The following LRRC4C variants were observed in gnomAD, a reference collection of about 807,000 sequenced individuals.
The protein encoded by LRRC4C is leucine-rich repeat-containing protein 4C.
In LRRC4C, 5 loss-of-function variants were observed where a neutral mutation model predicts 33.6. That is an observed-to-expected ratio of 0.15 (90% confidence interval 0.08 to 0.31). The LOEUF is 0.31. LRRC4C is among the 10% of genes least tolerant of loss of function. The pLI, the probability that LRRC4C is intolerant of heterozygous loss-of-function variation, is 1.00. For synonymous variants in LRRC4C, 329 were observed against 302.0 expected, an observed-to-expected ratio of 1.09 and a Z score of -0.93; for missense variants, 560 against 796.7, an observed-to-expected ratio of 0.70 and a Z score of 3.58.
chr11:40,191,222 T>C (rs1380117121), intron 5 of LRRC4C, among the ~76,000 whole-genome samples: 1 of 152,116 alleles, frequency 6.6e-6, no homozygotes, highest in South Asian at 2.1e-4. Context: ...CCACCTCTCA[T>C]AAACAGCACC....
intron 4 of LRRC4C, among the ~76,000 whole-genome samples, chr11:40,257,708 A>C (rs1022540685): frequency 6.8e-4 from 104 of 152,044 alleles, no homozygotes; most frequent in Non-Finnish European, 6.5e-4. Context: ...GAAGAGATAA[A>C]CTCTTTTTAC....
intron 1 of LRRC4C, among the ~76,000 whole-genome samples, chr11:41,092,581 C>G (rs550104452): frequency 3.9e-5 from 6 of 152,242 alleles, no homozygotes; most frequent in African/African-American, 1.4e-4. Flanking sequence ...TCTGAGATTC[C>G]TTGGGGGAAT....
intron 1 of LRRC4C, among the ~76,000 whole-genome samples, chr11:40,982,014 T>A (rs1852580489): frequency 6.6e-6 from 1 of 152,180 alleles, no homozygotes; most frequent in Non-Finnish European, 1.5e-5. Flanking sequence ...AAATAATATA[T>A]CTACACTTCT....
chr11:41,413,907 A>G lies in LRRC4C; in HGVS notation c.-496+45524T>C, dbSNP rs557262958. On this transcript the variant is annotated intron_variant, in intron 1 of 6. Transcript: ENST00000528697. Reference sequence around the variant, plus strand: ...ATATCACAACGGAGCTATGGTAATCACTAAATGAGATATCTAACTTGGAGC... The same window carrying G: ...ATATCACAACGGAGCTATGGTAATCGCTAAATGAGATATCTAACTTGGAGC... 7.9e-5 allele frequency among the ~76,000 whole-genome samples: 12 copies of G among 152,312 alleles called. No individual in the cohort carries two copies. In the East Asian group the frequency reaches 2.1e-3, roughly 27 times the overall value.
At chr11:40,227,503 A>G (rs1449412416) in intron 5 of LRRC4C, among the ~76,000 whole-genome samples, 2 of 152,212 alleles carry the variant, frequency 1.3e-5, no homozygotes, top group Admixed American at 1.3e-4. Context: ...TCAAAAAGTC[A>G]TAGAGCTGAA....
rs1307456275 is a variant in LRRC4C, at chr11:40,697,066, C to T, written c.-406-48788G>A. On this transcript the variant is annotated intron_variant, in intron 2 of 6. Coordinates refer to ENST00000528697, the MANE Select transcript of LRRC4C (RefSeq NM_001258419.2). ...AGAAGTTTCTGTTTTAGCTCCTTTTCATTAATCCGACATTTGGGAAATAGG... is the reference window on the plus strand; with the variant it reads ...AGAAGTTTCTGTTTTAGCTCCTTTTTATTAATCCGACATTTGGGAAATAGG... 2.0e-5 allele frequency among the ~76,000 whole-genome samples: 3 copies of T among 152,126 alleles called. No homozygotes were observed. The South Asian group carries it at 6.2e-4, about 32-fold the overall frequency.
intron 5 of LRRC4C, among the ~76,000 whole-genome samples, chr11:40,147,908 T>A (rs191786854): frequency 2.0e-5 from 3 of 152,034 alleles, no homozygotes; most frequent in Non-Finnish European, 4.4e-5. Context: ...ACCCTCACCC[T>A]GATAGGCCCC....
intron 1 of LRRC4C, among the ~76,000 whole-genome samples, chr11:41,445,049 T>C (rs1345137068): frequency 6.6e-6 from 1 of 152,160 alleles, no homozygotes; most frequent in Non-Finnish European, 1.5e-5. Context: ...GTGATCCGCC[T>C]GCCTTGGCCT....
chr11:41,041,439 G>A (rs899235887), intron 1 of LRRC4C, among the ~76,000 whole-genome samples: 4 of 152,144 alleles, frequency 2.6e-5, no homozygotes, highest in African/African-American at 9.7e-5. Flanking sequence ...AGAGTATAGT[G>A]ATTGCCATAC....
intron 3 of LRRC4C, among the ~76,000 whole-genome samples, chr11:40,442,162 CAAAAAAAAAAAA>C (rs1158464665): frequency 7.5e-4 from 42 of 56,200 alleles, no homozygotes; most frequent in Admixed American, 2.0e-3. Context: ...GACTCCATTT[CAAAAAAAAAAAA>C]AAAAAAAAAA....
At chr11:41,201,888 G>A (rs2136266913) in intron 1 of LRRC4C, among the ~76,000 whole-genome samples, 1 of 141,942 alleles carries the variant, frequency 7.0e-6, no homozygotes, top group Non-Finnish European at 1.5e-5. Flanking sequence ...GATGCTTTTG[G>A]CTGCTCTACA....
At chr11:40,653,587 A>C (rs10768619) in intron 2 of LRRC4C, among the ~76,000 whole-genome samples, 56,817 of 152,050 alleles carry the variant, frequency 0.37, 11,792 homozygotes, top group East Asian at 0.61. Context: ...AGTTTTATGC[A>C]TTCACAAAGA....
At chr11:40,564,053 C>G (rs1957659002) in intron 3 of LRRC4C, among the ~76,000 whole-genome samples, 1 of 152,134 alleles carries the variant, frequency 6.6e-6, no homozygotes, top group South Asian at 2.1e-4. Flanking sequence ...CTAACATATA[C>G]CTTCCAGATC....
chr11:40,798,219 C>T (rs1950908091), intron 2 of LRRC4C, among the ~76,000 whole-genome samples: 1 of 152,162 alleles, frequency 6.6e-6, no homozygotes, highest in Non-Finnish European at 1.5e-5. Context: ...ACTTTCTTGC[C>T]TGCCCTTGAC....
In LRRC4C at chr11:40,915,666, T is replaced by C. The variant is rs552709004; in HGVS notation, c.-407+17969A>G. Among the ~76,000 whole-genome samples, 19 of 151,484 alleles carry C rather than the reference T, an allele frequency of 1.3e-4. No individual in the cohort carries two copies. In the East Asian group the frequency reaches 1.9e-3, roughly 16 times the overall value. ...GACTTCATGTCTAAAACACCAAAAG[T>C]AATGGCAACAAAAGCCAAAATTGAC... On this transcript the variant is annotated intron_variant, in intron 2 of 6. Coordinates refer to ENST00000528697, the MANE Select transcript of LRRC4C (RefSeq NM_001258419.2).
chr11:40,610,701 A>G (rs1383559998), intron 3 of LRRC4C, among the ~76,000 whole-genome samples: 2 of 151,932 alleles, frequency 1.3e-5, no homozygotes, highest in Non-Finnish European at 2.9e-5. Flanking sequence ...TCAACATATA[A>G]AAATCGGTTG....
Position 41,099,389 on chromosome 11 carries a change from A to AT in LRRC4C, c.-495-165667_-495-165666insA, listed in dbSNP as rs1322580147. ...ACCTGGCAGAGACATAAAAAAAAAA[A>AT]GAAAAAAAAAAACTTCAGACCAATA... On this transcript the variant is annotated intron_variant, in intron 1 of 6. Coordinates refer to ENST00000528697, the MANE Select transcript of LRRC4C (RefSeq NM_001258419.2). Among the ~76,000 whole-genome samples, 473 of 150,640 alleles carry AT rather than the reference A, an allele frequency of 3.1e-3. 2 individuals are homozygous for AT. Among genetic ancestry groups the AT allele is most frequent in the African/African-American group, 0.011 (431 of 40,392 alleles).
intron 5 of LRRC4C, among the ~76,000 whole-genome samples, chr11:40,221,321 C>A (rs763207563): frequency 6.6e-6 from 1 of 152,132 alleles, no homozygotes; most frequent in African/African-American, 2.4e-5. Flanking sequence ...AAATTAGAAT[C>A]ATGCAGGGAA....
chr11:40,367,069 A>C (rs1948241140), intron 3 of LRRC4C, among the ~76,000 whole-genome samples: 1 of 152,196 alleles, frequency 6.6e-6, no homozygotes, highest in East Asian at 1.9e-4. Context: ...CTTGATAAAT[A>C]TTTATTTAAT....
Sources: gnomAD v4.1 joint callset for allele counts (sites outside exome capture counted in the v4.1 genomes callset) on GRCh38, gnomAD v4.1.1 for gene constraint, MANE v1.5 for transcripts, NCBI Gene and HGNC (gene_info 2026-07-23, HGNC 2026-07-21) for gene names.